Variants in CNTNAP5 observed in about 807,000 individuals in gnomAD.
CNTNAP5 encodes contactin-associated protein-like 5.
In CNTNAP5, 72 loss-of-function variants were observed where a neutral mutation model predicts 150.2. That is an observed-to-expected ratio of 0.48 (90% CI 0.40 to 0.58). The LOEUF (loss-of-function observed/expected upper bound fraction) is 0.58, where lower values mean the gene tolerates loss of function less well. Among genes scored for constraint, CNTNAP5 ranks in the 20% least tolerant of loss-of-function variants. CNTNAP5 has a pLI of 0.00. For synonymous variants in CNTNAP5, 672 were observed against 619.8 expected (o/e 1.08, Z -1.25); for missense variants, 1,636 against 1,626.2 (o/e 1.01, Z -0.10).
At chr2:124,368,126 T>C (rs1690423584) in intron 3 of CNTNAP5, among the ~76,000 whole-genome samples, 1 of 152,150 alleles carries the variant, frequency 6.6e-6, no homozygotes, top group South Asian at 2.1e-4. Context: ...TAAGCTTAGG[T>C]TGAAACAAAC....
In CNTNAP5 at chr2:124,749,284, A is replaced by C. The variant is rs961508123; in HGVS notation, c.2234+1899A>C. Among the ~76,000 whole-genome samples, 10 of 152,138 alleles carry C rather than the reference A, an allele frequency of 6.6e-5. No homozygotes were observed. In the South Asian group the frequency reaches 1.7e-3, roughly 25 times the overall value. ...AGTCAAAGAAACAGATATAGGAGCTAGAATAGGTAGAAGTGCTTCCCCCTA... is the reference window on the plus strand; with the variant it reads ...AGTCAAAGAAACAGATATAGGAGCTCGAATAGGTAGAAGTGCTTCCCCCTA... On this transcript the variant is annotated intron_variant, in intron 14 of 23. Coordinates refer to ENST00000682447, the MANE Select transcript of CNTNAP5 (RefSeq NM_001367498.1).
chr2:124,763,208 T>TA (rs1019209161), intron 14 of CNTNAP5, among the ~76,000 whole-genome samples: 46 of 151,764 alleles, frequency 3.0e-4, no homozygotes, highest in South Asian at 1.0e-3. Context: ...AAAAGGTGGT[T>TA]AAAAAAAAAT....
At chr2:124,454,015 A>T (rs1693053988) in intron 6 of CNTNAP5, among the ~76,000 whole-genome samples, 1 of 152,180 alleles carries the variant, frequency 6.6e-6, no homozygotes, top group Non-Finnish European at 1.5e-5. Flanking sequence ...TACAGGCAAC[A>T]AATAGCACGA....
intron 13 of CNTNAP5, among the ~76,000 whole-genome samples, chr2:124,680,473 A>G (rs72845884): frequency 0.021 from 3,256 of 151,926 alleles, 56 homozygotes; most frequent in Middle Eastern, 0.037. Flanking sequence ...TCCAAATCAC[A>G]GACTCTGATT....
At chr2:124,784,759 T>C (rs1207506213) in intron 17 of CNTNAP5, among the ~76,000 whole-genome samples, 1 of 152,186 alleles carries the variant, frequency 6.6e-6, no homozygotes, top group African/African-American at 2.4e-5. Context: ...GCTTTGAAGG[T>C]CGCCATGTCC....
intron 3 of CNTNAP5, among the ~76,000 whole-genome samples, chr2:124,312,057 A>T (rs1303863031): frequency 6.6e-6 from 1 of 152,202 alleles, no homozygotes; most frequent in Non-Finnish European, 1.5e-5. Context: ...CAGCAAAGGT[A>T]ATAAACAAAC....
intron 19 of CNTNAP5, among the ~76,000 whole-genome samples, chr2:124,847,067 G>A (rs1236712232): frequency 1.3e-5 from 2 of 152,164 alleles, no homozygotes; most frequent in Non-Finnish European, 1.5e-5. Context: ...CCAGGAGAGG[G>A]CACTTTTAAG....
At chr2:124,477,996 GC>G (rs1257605393) in intron 7 of CNTNAP5, among the ~76,000 whole-genome samples, 1 of 151,908 alleles carries the variant, frequency 6.6e-6, no homozygotes, top group Non-Finnish European at 1.5e-5. Flanking sequence ...AAAAGCCTGA[GC>G]TTTAGATATA....
At chr2:124,065,163 G>A (rs1197672098) in intron 1 of CNTNAP5, among the ~76,000 whole-genome samples, 1 of 152,102 alleles carries the variant, frequency 6.6e-6, no homozygotes, top group East Asian at 1.9e-4. Flanking sequence ...CAGGGAAGGG[G>A]AAAGTACAGA....
At chr2:124,419,901 TTTCTTTCTTTCTTTCTTTCTTTCTTTC>T (rs1692041374) in intron 4 of CNTNAP5, among the ~76,000 whole-genome samples, 1 of 83,730 alleles carries the variant, frequency 1.2e-5, no homozygotes, top group African/African-American at 5.9e-5. Context: ...ATTGGTTTTC[TTTCTTTCTTTCTTTCTTTCTTTCTTTC>T]TTTCTTTCTT....
chr2:124,689,814 C>T (rs570265464), intron 13 of CNTNAP5, among the ~76,000 whole-genome samples: 50 of 152,022 alleles, frequency 3.3e-4, no homozygotes, highest in African/African-American at 1.1e-3. Flanking sequence ...AGCAGAAGTA[C>T]AGACTTCTGT....
intron 3 of CNTNAP5, among the ~76,000 whole-genome samples, chr2:124,312,063 C>T (rs970397454): frequency 6.6e-6 from 1 of 152,146 alleles, no homozygotes; most frequent in Admixed American, 6.5e-5. Context: ...AGGTAATAAA[C>T]AAACTCCAGA....
At chr2:124,227,471 A>G (rs531266153) in intron 2 of CNTNAP5, among the ~76,000 whole-genome samples, 2 of 152,266 alleles carry the variant, frequency 1.3e-5, no homozygotes, top group East Asian at 1.9e-4. Flanking sequence ...TCGGAAAAAG[A>G]GTAGGTACTA....
intron 18 of CNTNAP5, 35 bp from the exon 19 acceptor site, chr2:124,798,061 T>G (rs1490037177): frequency 6.7e-7 from 1 of 1,503,354 alleles, no homozygotes; most frequent in Admixed American, 1.9e-5. Flanking sequence ...GATCTAAAGG[T>G]TTCAATGTGT....
At chr2:124,442,800 C>T (rs942294784) in intron 5 of CNTNAP5, among the ~76,000 whole-genome samples, 3 of 151,852 alleles carry the variant, frequency 2.0e-5, no homozygotes, top group Admixed American at 1.3e-4. Context: ...GTATCACAGG[C>T]AAAATATAGG....
At chr2:124,055,966 G>T (rs1487632298) in intron 1 of CNTNAP5, among the ~76,000 whole-genome samples, 1 of 151,814 alleles carries the variant, frequency 6.6e-6, no homozygotes, top group East Asian at 1.9e-4. Flanking sequence ...GACTGTAAAA[G>T]TAAAACACCT....
At chr2:124,033,454 C>T (rs915557210) in intron 1 of CNTNAP5, among the ~76,000 whole-genome samples, 1 of 152,188 alleles carries the variant, frequency 6.6e-6, no homozygotes, top group East Asian at 1.9e-4. Flanking sequence ...TCCCTCCCTT[C>T]TTCTCACACT....
chr2:124,888,268 G>A (rs189495034), intron 21 of CNTNAP5, among the ~76,000 whole-genome samples: 1 of 152,044 alleles, frequency 6.6e-6, no homozygotes, highest in South Asian at 2.1e-4. Flanking sequence ...TTGCTGCAAA[G>A]GACTTGATTT....
intron 7 of CNTNAP5, among the ~76,000 whole-genome samples, chr2:124,490,310 G>T (rs1693988058): frequency 7.4e-6 from 1 of 134,924 alleles, no homozygotes; most frequent in Admixed American, 8.1e-5. Flanking sequence ...CTCTAGCCTG[G>T]ACAACAGAGC....
Sources: gnomAD v4.1 joint callset for allele counts (sites outside exome capture counted in the v4.1 genomes callset) on GRCh38, gnomAD v4.1.1 for gene constraint, MANE v1.5 for transcripts, NCBI Gene and HGNC (gene_info 2026-07-23, HGNC 2026-07-21) for gene names.